TENM3: variants seen among roughly 807,000 people sequenced by gnomAD.
TENM3 encodes teneurin transmembrane protein 3.
Under a neutral mutation model 255.1 loss-of-function variants are expected in TENM3, and 63 were observed. That is an observed-to-expected ratio of 0.25 (90% CI 0.20 to 0.30). The LOEUF is 0.30. TENM3 is among the 10% of genes least tolerant of loss of function. The pLI is 1.00. For missense variants in TENM3, 2,929 were observed against 3,461.1 expected (o/e 0.85, Z 3.86); for synonymous variants, 1,306 against 1,322.3 (o/e 0.99, Z 0.27).
chr4:181,671,500 C>A, the TENM3 span, among the ~76,000 whole-genome samples: 1 of 152,082 alleles, frequency 6.6e-6, no homozygotes, highest in Non-Finnish European at 1.5e-5. Flanking sequence ...CAAGTTTGTT[C>A]ACCTGTCTGA....
chr4:181,686,890 A>G, the TENM3 span, among the ~76,000 whole-genome samples: 1 of 152,186 alleles, frequency 6.6e-6, no homozygotes. Context: ...GATTTAATAG[A>G]ACAAAGTAGA....
At chr4:181,606,648 T>C in the TENM3 span, among the ~76,000 whole-genome samples, 1 of 152,148 alleles carries the variant, frequency 6.6e-6, no homozygotes, top group African/African-American at 2.4e-5. Flanking sequence ...TCTGCTCTTG[T>C]TGTTCTTTCT....
intron 3 of TENM3, among the ~76,000 whole-genome samples, chr4:182,482,942 T>C (rs1282180908): frequency 6.6e-6 from 1 of 152,164 alleles, no homozygotes; most frequent in Non-Finnish European, 1.5e-5. Flanking sequence ...TTGTTTTAGC[T>C]CTCTACATGT....
intron 3 of TENM3, among the ~76,000 whole-genome samples, chr4:182,399,460 T>TG (rs1769081073): frequency 6.6e-6 from 1 of 152,230 alleles, no homozygotes; most frequent in Non-Finnish European, 1.5e-5. Context: ...AGTAGTACAC[T>TG]GCTTAACTGG....
rs1026887638 is a variant in TENM3, at chr4:182,777,865, A to C, written c.5304+2712A>C. ...TATATATATATGCTGTTATATATAT[A>C]TATATATATGTTTAAAAAGTAAAAA... On this transcript the variant is annotated intron_variant, in intron 24 of 27. Coordinates refer to ENST00000511685, the MANE Select transcript of TENM3 (RefSeq NM_001080477.4). Among the ~76,000 whole-genome samples, 5 of 149,964 alleles carry C rather than the reference A, an allele frequency of 3.3e-5. No homozygotes were observed. In the East Asian group the frequency reaches 9.8e-4, roughly 29 times the overall value.
the TENM3 span, among the ~76,000 whole-genome samples, chr4:181,746,384 A>G: frequency 6.6e-6 from 1 of 152,046 alleles, no homozygotes. Flanking sequence ...GTAATGTTGG[A>G]AAGGGTGAGA....
the TENM3 span, among the ~76,000 whole-genome samples, chr4:182,044,408 T>C: frequency 6.6e-6 from 1 of 152,238 alleles, no homozygotes; most frequent in Non-Finnish European, 1.5e-5. Flanking sequence ...TCCAGTGTGA[T>C]TATGAATACA....
chr4:182,382,636 G>A (rs1767648886), intron 3 of TENM3, among the ~76,000 whole-genome samples: 2 of 152,028 alleles, frequency 1.3e-5, no homozygotes, highest in Non-Finnish European at 2.9e-5. Flanking sequence ...ATCAGGTCCG[G>A]GGTGCCCAGG....
At chr4:182,475,370 C>T (rs1314882008) in intron 3 of TENM3, among the ~76,000 whole-genome samples, 1 of 151,404 alleles carries the variant, frequency 6.6e-6, no homozygotes, top group Non-Finnish European at 1.5e-5. Flanking sequence ...ATGGGTGTGT[C>T]TACTATTGGT....
At chr4:182,732,330 CT>C (rs1319401325) in intron 16 of TENM3, among the ~76,000 whole-genome samples, 1 of 152,168 alleles carries the variant, frequency 6.6e-6, no homozygotes, top group Non-Finnish European at 1.5e-5. Context: ...CAATAACTTA[CT>C]GTTTAATTAT....
the TENM3 span, among the ~76,000 whole-genome samples, chr4:181,870,850 T>C: frequency 6.6e-6 from 1 of 152,132 alleles, no homozygotes; most frequent in Non-Finnish European, 1.5e-5. Context: ...TGGTGCTTTC[T>C]GTATCCTCTC....
chr4:182,232,436 A>T (rs1010173872), intron 1 of TENM3, among the ~76,000 whole-genome samples: 2 of 152,204 alleles, frequency 1.3e-5, no homozygotes, highest in African/African-American at 4.8e-5. Context: ...CATTAAAGAC[A>T]TATATACGGA....
the TENM3 span, among the ~76,000 whole-genome samples, chr4:181,913,731 A>G: frequency 2.0e-5 from 3 of 152,326 alleles, no homozygotes; most frequent in East Asian, 1.9e-4. Flanking sequence ...AAACTTTAAA[A>G]TGGAGAACAA....
chr4:181,833,195 G>T, the TENM3 span, among the ~76,000 whole-genome samples: 1 of 152,026 alleles, frequency 6.6e-6, no homozygotes, highest in Admixed American at 6.6e-5. Context: ...TCCAGGAGAG[G>T]CTATCAGAGA....
At chr4:182,772,163 C>T (rs1463482068) in intron 22 of TENM3, among the ~76,000 whole-genome samples, 1 of 152,158 alleles carries the variant, frequency 6.6e-6, no homozygotes, top group South Asian at 2.1e-4. Context: ...GATGAACAAC[C>T]ACATTTTTCA....
At chr4:181,648,594 G>A in the TENM3 span, among the ~76,000 whole-genome samples, 1 of 152,164 alleles carries the variant, frequency 6.6e-6, no homozygotes, top group South Asian at 2.1e-4. Context: ...ATTTACAAAA[G>A]AATTCTGATT....
At chr4:182,570,718 A>G (rs1453744819) in intron 3 of TENM3, among the ~76,000 whole-genome samples, 2 of 152,166 alleles carry the variant, frequency 1.3e-5, no homozygotes, top group African/African-American at 4.8e-5. Flanking sequence ...CCTGTAGTCC[A>G]GCTACTTGGG....
At chr4:182,603,192 C>G (rs1285626953) in intron 4 of TENM3, among the ~76,000 whole-genome samples, 3 of 152,122 alleles carry the variant, frequency 2.0e-5, no homozygotes, top group African/African-American at 4.8e-5. Flanking sequence ...GCTGGTTTCT[C>G]TATATTCAGA....
chr4:181,739,414 G>T, the TENM3 span, among the ~76,000 whole-genome samples: 128 of 152,222 alleles, frequency 8.4e-4, no homozygotes, highest in African/African-American at 2.9e-3. Context: ...ACCAACTAAA[G>T]AACTATACTT....
Sources: allele counts gnomAD v4.1 joint callset (sites outside exome capture counted in the v4.1 genomes callset), GRCh38; gene constraint gnomAD v4.1.1; transcripts MANE v1.5; gene names NCBI Gene and HGNC (gene_info 2026-07-23, HGNC 2026-07-21).